Variants in ZNF365 observed in about 807,000 individuals in gnomAD.
The protein encoded by ZNF365 is protein ZNF365.
ZNF365 carries 22 observed loss-of-function variants against 35.0 expected under a neutral mutation model. That is an observed-to-expected ratio of 0.63 (90% confidence interval 0.45 to 0.90). ZNF365 has a LOEUF of 0.90. Among genes scored for constraint, ZNF365 ranks in the 40% least tolerant of loss-of-function variants. The pLI is 0.00. For synonymous variants in ZNF365, 188 were observed against 196.2 expected (o/e 0.96, Z 0.35); for missense variants, 448 against 500.3 (o/e 0.90, Z 1.00).
rs1156773418 is a variant in ZNF365 at position 62,376,389 on chromosome 10, C to A, written c.196C>A (p.Pro66Thr). Residue 66 changes from proline (P) to threonine (T), a missense_variant, in exon 2 of 5, where the codon CCA (proline) becomes ACA (threonine). Pro to Thr is a conservative substitution (Grantham distance 38). Around this residue, in one of 3 missense-constraint regions of ZNF365, gnomAD observed 76 missense variants for 96.7 expected, o/e 0.79. Transcript: ENST00000395254. The stretch of plus-strand genomic sequence containing the variant: ...CCTCTTGACAAAATGCAGTCTCTTT[C>A]CATCCCTCAAAGACACAGACCTAGT... ...RTLLTKCSLF[P>T]SLKDTDLVTS... 6.2e-7 allele frequency: 1 copy of A among 1,614,144 alleles called. No homozygotes were observed. Among genetic ancestry groups the A allele is most frequent in the Non-Finnish European group, 8.5e-7 (1 of 1,180,002 alleles).
chr10:62,443,007 C>G (rs1232800189), intron 3 of ZNF365, among the ~76,000 whole-genome samples: 1 of 152,204 alleles, frequency 6.6e-6, no homozygotes, highest in African/African-American at 2.4e-5. Context: ...GGGATGCACT[C>G]AACAGTGCTC....
At chr10:62,417,315 A>AT (rs1265156217) in intron 3 of ZNF365, among the ~76,000 whole-genome samples, 2 of 152,058 alleles carry the variant, frequency 1.3e-5, no homozygotes, top group African/African-American at 4.8e-5. Flanking sequence ...CCTAGCAGTC[A>AT]TTTTTTAAAA....
At position 62,400,767 on chromosome 10, in the gene ZNF365, G is replaced by C; in HGVS notation, c.*978G>C. ...TATGGGCATGACTTTCTCTTCGCTG[G>C]CTTAACTTTTCCACTGGGTGGTTCA... is the stretch of plus-strand genomic sequence containing the variant. On this transcript the variant is annotated 3_prime_UTR_variant, in exon 5 of 5. Coordinates refer to ENST00000395254, the MANE Select transcript of ZNF365 (RefSeq NM_014951.3). The C allele has an allele frequency of 1.0e-6, 1 of 985,528 alleles. No homozygotes were observed. The highest frequency in any genetic ancestry group is 4.7e-5 in the South Asian group (1 of 21,276). The allele number at this position is 985,528 out of a possible 1,614,324, so 61.0% of individuals were successfully genotyped here.
chr10:62,472,887 G>T (rs1354456807), intron 4 of ZNF365, among the ~76,000 whole-genome samples: 1 of 152,118 alleles, frequency 6.6e-6, no homozygotes, highest in Admixed American at 6.5e-5. Context: ...GTATAGAATA[G>T]CACAAAAACA....
chr10:62,412,640 G>T (rs1045645914), intron 3 of ZNF365, among the ~76,000 whole-genome samples: 1 of 151,932 alleles, frequency 6.6e-6, no homozygotes, highest in Non-Finnish European at 1.5e-5. Context: ...CCAACAACAG[G>T]CAAGCAGAGA....
At chr10:62,419,979 T>A (rs991081181) in intron 3 of ZNF365, among the ~76,000 whole-genome samples, 7 of 152,172 alleles carry the variant, frequency 4.6e-5, no homozygotes, top group Non-Finnish European at 8.8e-5. Context: ...CACAAAAAAA[T>A]ATATAAATTT....
At chr10:62,397,923 A>G (rs1220558308) in intron 3 of ZNF365, among the ~76,000 whole-genome samples, 2 of 152,162 alleles carry the variant, frequency 1.3e-5, no homozygotes, top group African/African-American at 4.8e-5. Flanking sequence ...TTTGGGAGGA[A>G]CAGGTGGTTT....
At chr10:62,437,521 A>G (rs1256435323) in intron 3 of ZNF365, among the ~76,000 whole-genome samples, 2 of 152,204 alleles carry the variant, frequency 1.3e-5, no homozygotes, top group Non-Finnish European at 2.9e-5. Flanking sequence ...AATTGTAATG[A>G]CGGAAGCAGA....
chr10:62,462,807 C>G (rs16917260), intron 4 of ZNF365, among the ~76,000 whole-genome samples: 4,053 of 152,212 alleles, frequency 0.027, 123 homozygotes, highest in East Asian at 0.19. Context: ...TTCTTGAACA[C>G]ATGAATTTAT....
intron 3 of ZNF365, among the ~76,000 whole-genome samples, chr10:62,422,435 G>A (rs1840184404): frequency 6.6e-6 from 1 of 152,096 alleles, no homozygotes; most frequent in South Asian, 2.1e-4. Flanking sequence ...CAGTAAATTT[G>A]CCAGTTTTGA....
chr10:62,468,515 T>C (rs1014708863), intron 4 of ZNF365, among the ~76,000 whole-genome samples: 5 of 152,210 alleles, frequency 3.3e-5, no homozygotes, highest in African/African-American at 7.2e-5. Context: ...TGAATTCTGC[T>C]AAAATTGAAA....
At chr10:62,393,100 C>T (rs984989623) in intron 3 of ZNF365, among the ~76,000 whole-genome samples, 2 of 151,442 alleles carry the variant, frequency 1.3e-5, no homozygotes, top group Admixed American at 1.3e-4. Context: ...ATCAATATTC[C>T]TGTTCGCATC....
chr10:62,443,061 ACT>A (rs1840528354), intron 3 of ZNF365, among the ~76,000 whole-genome samples: 1 of 152,078 alleles, frequency 6.6e-6, no homozygotes, highest in South Asian at 2.1e-4. Flanking sequence ...ATCACCGGAC[ACT>A]CTGTTTAGTG....
At chr10:62,464,696 T>A (rs1202805912) in intron 4 of ZNF365, among the ~76,000 whole-genome samples, 1 of 152,240 alleles carries the variant, frequency 6.6e-6, no homozygotes, top group East Asian at 1.9e-4. Context: ...CCAGATTTTT[T>A]ATTTCCTGGC....
chr10:62,434,648 G>A (rs946769502), intron 3 of ZNF365, among the ~76,000 whole-genome samples: 14 of 152,142 alleles, frequency 9.2e-5, no homozygotes, highest in African/African-American at 3.4e-4. Context: ...AAGTAGGAAA[G>A]CCTGCCTCAG....
chr10:62,416,651 C>T (rs1278177292), intron 3 of ZNF365, among the ~76,000 whole-genome samples: 1 of 152,066 alleles, frequency 6.6e-6, no homozygotes, highest in Non-Finnish European at 1.5e-5. Flanking sequence ...CATGAAGTTA[C>T]AGGTTGAGCC....
intron 3 of ZNF365, among the ~76,000 whole-genome samples, chr10:62,456,398 G>A (rs1024046136): frequency 6.6e-6 from 1 of 152,042 alleles, no homozygotes; most frequent in African/African-American, 2.4e-5. Flanking sequence ...TCCATGCCGT[G>A]TAAGATGAGA....
chr10:62,438,684 G>T (rs564337359), intron 3 of ZNF365, among the ~76,000 whole-genome samples: 13 of 152,302 alleles, frequency 8.5e-5, no homozygotes, highest in Admixed American at 4.6e-4. Context: ...ATTCTCTTAT[G>T]TAAGCAGAAG....
chr10:62,376,017 G>C (rs928648467), intron 1 of ZNF365, among the ~76,000 whole-genome samples, 164 bp from the exon 2 acceptor site: 1 of 152,176 alleles, frequency 6.6e-6, no homozygotes, highest in Non-Finnish European at 1.5e-5. Context: ...AATTGATGTG[G>C]ATGGATTTGG....
Sources: allele counts gnomAD v4.1 joint callset (sites outside exome capture counted in the v4.1 genomes callset), GRCh38; gene constraint gnomAD v4.1.1; regional missense constraint gnomAD v4.1.1; transcripts MANE v1.5; gene names NCBI Gene and HGNC (gene_info 2026-07-23, HGNC 2026-07-21).